CHRNA4: variants seen among roughly 807,000 people sequenced by gnomAD.
CHRNA4 encodes cholinergic receptor nicotinic alpha 4 subunit.
A neutral mutation model predicts 48.9 loss-of-function variants in CHRNA4; 28 were observed. The observed-to-expected ratio is 0.57, with a 90% CI of 0.42 to 0.79. CHRNA4 has a LOEUF of 0.79. CHRNA4 is among the 30% of genes least tolerant of loss of function. CHRNA4 has a pLI of 0.00. For missense variants in CHRNA4, 859 were observed against 898.4 expected (o/e 0.96, Z 0.56); for synonymous variants, 425 against 402.3 (o/e 1.06, Z -0.68).
intron 2 of CHRNA4, 126 bp from the exon 3 acceptor site, chr20:63,356,541 G>A (rs1468579899): frequency 1.0e-6 from 1 of 991,070 alleles, no homozygotes; most frequent in African/African-American, 1.6e-5. Flanking sequence ...CGGGCGACCT[G>A]TGGAGGGGGT....
At position 63,345,792 on chromosome 20, in the gene CHRNA4, G is replaced by T. The variant is rs201280510; in HGVS notation, c.*946C>A. The T allele has an allele frequency of 9.6e-4, 423 of 441,642 alleles. 5 individuals carry two copies. Among genetic ancestry groups the T allele is most frequent in the South Asian group, 5.8e-3 (374 of 64,088 alleles). 27.4% of individuals were successfully genotyped at this position (441,642 alleles called of 1,614,324 possible). ...GCCCAGGGCGGATCTCCCGGGCTGC[G>T]CGCCAAGGTGGAAACCCTCAGGGTC... On this transcript the variant is annotated 3_prime_UTR_variant, in exon 6 of 6. Coordinates refer to ENST00000370263, the MANE Select transcript of CHRNA4 (RefSeq NM_000744.7). This position sits in a 1 kb window ranked among gnomAD's most constrained non-coding sequence, Gnocchi z 5.4.
At chr20:63,351,106 T>TGCCCACTGCCACACCCAC in intron 4 of CHRNA4, 79 bp from the exon 5 acceptor site, 1 of 1,270,690 alleles carries the variant, frequency 7.9e-7, no homozygotes, top group South Asian at 1.3e-5. Flanking sequence ...GCCACACCCA[T>TGCCCACTGCCACACCCAC]GCCCACGTCC....
intron 2 of CHRNA4, among the ~76,000 whole-genome samples, chr20:63,358,658 G>A (rs1298982594): frequency 6.6e-6 from 1 of 152,200 alleles, no homozygotes; most frequent in Non-Finnish European, 1.5e-5. Flanking sequence ...CCAGCTCCCA[G>A]AGACCATGGC....
chr20:63,349,805 C>T lies in CHRNA4; in HGVS notation c.1606G>A (p.Glu536Lys), dbSNP rs1159706752. The T allele has an allele frequency of 1.2e-6, 2 of 1,605,270 alleles. No individual in the cohort carries two copies. Among genetic ancestry groups the T allele is most frequent in the South Asian group, 2.2e-5 (2 of 90,840 alleles). ...PSPCKCTCKK[E>K]PSSVSPSATV... ...GCGCTCGGGGACACCGAAGAGGGCT[C>T]CTTCTTGCATGTGCATTTGCACGGA... The change falls in exon 5 of 6, where the codon GAG becomes AAG. Residue 536 changes from glutamate to lysine, a missense_variant. Coordinates refer to ENST00000370263, the MANE Select transcript of CHRNA4 (RefSeq NM_000744.7).
chr20:63,354,111 G>C (rs1390110712), intron 4 of CHRNA4, among the ~76,000 whole-genome samples: 1 of 117,292 alleles, frequency 8.5e-6, no homozygotes, highest in African/African-American at 3.4e-5. Flanking sequence ...GTAGCCCTAG[G>C]GTGGGATGAA....
At chr20:63,356,219 C>A in intron 3 of CHRNA4, 135 bp from the exon 4 acceptor site, 1 of 345,582 alleles carries the variant, frequency 2.9e-6, no homozygotes, top group East Asian at 6.3e-5. Context: ...AGGGCAGGGG[C>A]GGGACAGGGC....
In CHRNA4 at chr20:63,349,610, G is replaced by T. The variant is rs777701190; in HGVS notation, c.1758+43C>A. ...GGAAGAAAGGGCGTCCGCCGGTTCC[G>T]TCTGGGTCAGAGGCGCCCAACACAG... On this transcript the variant is annotated intron_variant, in intron 5 of 5. Transcript: ENST00000370263. 3 of 1,610,246 alleles carry T rather than the reference G, an allele frequency of 1.9e-6. No homozygotes were observed. In the South Asian group the frequency reaches 3.3e-5, roughly 18 times the overall value.
rs1196441119 is a variant in CHRNA4 at position 63,344,127 on chromosome 20, CGAA to C, written c.*2608_*2610del. 1 of 453,968 alleles carries C rather than the reference CGAA, an allele frequency of 2.2e-6. No homozygotes were observed. The highest frequency in any genetic ancestry group is 4.4e-6 in the Non-Finnish European group (1 of 226,800). The allele number at this position is 453,968 out of a possible 1,614,324, so 28.1% of individuals were successfully genotyped here. A position where few individuals can be genotyped will look rare whatever the true frequency, so the allele number is the denominator to read the frequency against. On this transcript the variant is annotated 3_prime_UTR_variant, in exon 6 of 6. Coordinates refer to ENST00000370263, the MANE Select transcript of CHRNA4 (RefSeq NM_000744.7). This position sits in a 1 kb window ranked among gnomAD's most constrained non-coding sequence, Gnocchi z 4.5. ...GAAGAACACTGCTCACAATTAAAAA[CGAA>C]GGAACAGACAGCAAGGAGCTACGGA... is the stretch of plus-strand genomic sequence containing the variant.
chr20:63,346,754 A>G lies in CHRNA4; in HGVS notation c.1868T>C (p.Leu623Pro), dbSNP rs752994243. The G allele has an allele frequency of 1.2e-6, 2 of 1,610,814 alleles. No individual in the cohort carries two copies. The highest frequency in any genetic ancestry group is 2.2e-5 in the South Asian group (2 of 91,070). ...GGTCCCTTCCTAGATCATGCCAGCC[A>G]GCCAGGGCGGCAGGAAGAGGCCCAC... Reference protein sequence around the residue: ...GTVGLFLPPWLAGMI With the variant: ...GTVGLFLPPWPAGMI Residue 623 changes from leucine (L) to proline (P), a missense_variant, in exon 6 of 6, where the codon CTG (leucine) becomes CCG (proline). Leu to Pro is a moderately conservative substitution (Grantham distance 98). Coordinates refer to ENST00000370263, the MANE Select transcript of CHRNA4 (RefSeq NM_000744.7).
At chr20:63,359,990 T>G in intron 1 of CHRNA4, 1 of 416,392 alleles carries the variant, frequency 2.4e-6, no homozygotes. Flanking sequence ...CTGGGTGTAA[T>G]TGTGATTTCC....
rs200070329 is a variant in CHRNA4 at position 63,346,621 on chromosome 20, T to C, written c.*117A>G. 62 of 1,440,298 alleles carry C rather than the reference T, an allele frequency of 4.3e-5. 1 individual carries two copies. The South Asian group carries it at 5.3e-4, about 12-fold the overall frequency. The allele number at this position is 1,440,298 out of a possible 1,614,324, so 89.2% of individuals were successfully genotyped here. On this transcript the variant is annotated 3_prime_UTR_variant, in exon 6 of 6. Coordinates refer to ENST00000370263, the MANE Select transcript of CHRNA4 (RefSeq NM_000744.7). ...GCAGACACAGAACAGGAAGGAAAAT[T>C]TGGCAAACGTGTGGCCCCACAGAGT...
At chr20:63,352,665 C>T (rs1043955457) in intron 4 of CHRNA4, among the ~76,000 whole-genome samples, 2 of 152,234 alleles carry the variant, frequency 1.3e-5, no homozygotes, top group Non-Finnish European at 2.9e-5. Context: ...TTAAAAGATT[C>T]TCATATGGCA....
In CHRNA4 at chr20:63,345,239, G is replaced by A; in HGVS notation, c.*1499C>T. On this transcript the variant is annotated 3_prime_UTR_variant, in exon 6 of 6. Transcript: ENST00000370263. The surrounding 1 kb of genome is among the most constrained non-coding windows in gnomAD (Gnocchi z 5.4). ...GAGGAATGAGACTCAGTGGGACGCAGAGCCCAACCCCATCCCCACCCCTGG... is the reference window on the plus strand; with the variant it reads ...GAGGAATGAGACTCAGTGGGACGCAAAGCCCAACCCCATCCCCACCCCTGG... 2 of 448,794 alleles carry A rather than the reference G, an allele frequency of 4.5e-6. No individual in the cohort carries two copies. The highest frequency in any genetic ancestry group is 3.1e-5 in the South Asian group (2 of 64,164). 27.8% of individuals were successfully genotyped at this position (448,794 alleles called of 1,614,324 possible).
At chr20:63,355,764 TG>T (rs1200596558) in intron 4 of CHRNA4, 9 of 818,890 alleles carry the variant, frequency 1.1e-5, no homozygotes, top group Non-Finnish European at 1.1e-5. Context: ...TTTGCTGGCC[TG>T]GGGGGACCCT....
chr20:63,348,994 C>T (rs1601470223), intron 5 of CHRNA4, among the ~76,000 whole-genome samples: 1 of 152,240 alleles, frequency 6.6e-6, no homozygotes, highest in Non-Finnish European at 1.5e-5. Context: ...CAGTGCCTGG[C>T]GCTGGAGGGT....
Position 63,344,529 on chromosome 20 carries a change from A to G in CHRNA4, c.*2209T>C. The G allele has an allele frequency of 2.2e-6, 1 of 449,374 alleles. No individual in the cohort carries two copies. The highest frequency in any genetic ancestry group is 4.4e-6 in the Non-Finnish European group (1 of 225,914). The allele number at this position is 449,374 out of a possible 1,614,324, so 27.8% of individuals were successfully genotyped here. ...AAGAAAGGGAAAGGGGTCTTCCCCC[A>G]GGCAAGCGGCCACCCCCGGCAGGAG... On this transcript the variant is annotated 3_prime_UTR_variant, in exon 6 of 6. Transcript: ENST00000370263. The surrounding 1 kb of genome is among the most constrained non-coding windows in gnomAD (Gnocchi z 4.5).
Position 63,343,443 on chromosome 20 carries a change from C to T in CHRNA4, c.*3295G>A, listed in dbSNP as rs1193309996. 4.4e-6 allele frequency: 2 copies of T among 454,136 alleles called. No homozygotes were observed. The highest frequency in any genetic ancestry group is 1.4e-4 in the East Asian group (2 of 14,396). 28.1% of individuals were successfully genotyped at this position (454,136 alleles called of 1,614,324 possible). On this transcript the variant is annotated 3_prime_UTR_variant, in exon 6 of 6. Coordinates refer to ENST00000370263, the MANE Select transcript of CHRNA4 (RefSeq NM_000744.7). ...TCTGGTGCAAGGTGAAAGGACTCAG[C>T]CACTTTAGAAATCCGAAGCCGCCTC...
At chr20:63,359,386 G>A (rs539679393) in intron 2 of CHRNA4, 162 bp downstream of exon 2, 2 of 881,128 alleles carry the variant, frequency 2.3e-6, no homozygotes, top group African/African-American at 1.6e-5. Flanking sequence ...TGGGGCTCAG[G>A]CGGGGCAGAG....
chr20:63,345,794 G>A lies in CHRNA4; in HGVS notation c.*944C>T, dbSNP rs200534465. The A allele has an allele frequency of 7.9e-5, 35 of 441,944 alleles. No homozygotes were observed. The highest frequency in any genetic ancestry group is 2.8e-4 in the South Asian group (18 of 64,106). 27.4% of individuals were successfully genotyped at this position (441,944 alleles called of 1,614,324 possible). ...CCAGGGCGGATCTCCCGGGCTGCGC[G>A]CCAAGGTGGAAACCCTCAGGGTCCT... is the stretch of plus-strand genomic sequence containing the variant. On this transcript the variant is annotated 3_prime_UTR_variant, in exon 6 of 6. Coordinates refer to ENST00000370263, the MANE Select transcript of CHRNA4 (RefSeq NM_000744.7). This position sits in a 1 kb window ranked among gnomAD's most constrained non-coding sequence, Gnocchi z 5.4.
Sources: gnomAD v4.1 joint callset for allele counts (sites outside exome capture counted in the v4.1 genomes callset) on GRCh38, gnomAD v4.1.1 for gene constraint, Gnocchi (gnomAD v3.1) non-coding constraint, MANE v1.5 for transcripts, NCBI Gene and HGNC (gene_info 2026-07-23, HGNC 2026-07-21) for gene names.